The following FUS variants were observed in gnomAD, a reference collection of about 807,000 sequenced individuals.
The protein encoded by FUS is RNA-binding protein FUS.
A neutral mutation model predicts 82.7 loss-of-function variants in FUS; 5 were observed. That is an observed-to-expected ratio of 0.06 (90% confidence interval 0.03 to 0.13). The LOEUF (loss-of-function observed/expected upper bound fraction) is 0.13, where lower values mean the gene tolerates loss of function less well. FUS is among the 10% of genes least tolerant of loss of function. The pLI, the probability that FUS is intolerant of heterozygous loss-of-function variation, is 1.00. For synonymous variants in FUS, 281 were observed against 247.4 expected (o/e 1.14, Z -1.27); for missense variants, 512 against 707.8 (o/e 0.72, Z 3.14).
At position 31,190,687 on chromosome 16, in the gene FUS, C is replaced by T. The variant is rs954124875; in HGVS notation, c.1293-55C>T. 43 of 1,497,086 alleles carry T rather than the reference C, an allele frequency of 2.9e-5. No homozygotes were observed. The African/African-American group carries it at 5.6e-4, about 20-fold the overall frequency. 92.7% of individuals were successfully genotyped at this position (1,497,086 alleles called of 1,614,324 possible). ...AAGTCACCGTAGTTTCTTCCTAGTT[C>T]TAGGTCTTGCCTATTCCCCATCGCT... On this transcript the variant is annotated intron_variant, in intron 12 of 14. Coordinates refer to ENST00000254108, the MANE Select transcript of FUS (RefSeq NM_004960.4).
intron 8 of FUS, chr16:31,188,742 C>T (rs559005192): frequency 8.7e-6 from 4 of 462,386 alleles, no homozygotes; most frequent in African/African-American, 7.8e-5. Flanking sequence ...CATTGAACTC[C>T]TGTTTAGGTT....
chr16:31,191,383 T>C lies in FUS; in HGVS notation c.1542-16T>C, dbSNP rs1454147233. 14 of 1,607,874 alleles carry C rather than the reference T, an allele frequency of 8.7e-6. No individual in the cohort carries two copies. Among genetic ancestry groups the C allele is most frequent in the Non-Finnish European group, 8.5e-7 (1 of 1,176,328 alleles). On this transcript the variant is annotated splice_polypyrimidine_tract_variant and intron_variant, in intron 14 of 14. Transcript: ENST00000254108. ...CAAATATAATGGATACTTAATTTTTTTTTTTTTTTTTGCAGGGGTGAGCAC... is the reference window on the plus strand; with the variant it reads ...CAAATATAATGGATACTTAATTTTTCTTTTTTTTTTTGCAGGGGTGAGCAC...
chr16:31,194,231 T>A, downstream of FUS: 1 of 531,830 alleles, frequency 1.9e-6, no homozygotes. Flanking sequence ...GTCCAGCCCA[T>A]GTGAGACTTG....
At position 31,182,606 on chromosome 16, in the gene FUS, C is replaced by G. The variant is rs72550883; in HGVS notation, c.132C>G (p.Ser44=). The G allele has an allele frequency of 6.2e-7, 1 of 1,614,206 alleles. No individual in the cohort carries two copies. Among genetic ancestry groups the G allele is most frequent in the Non-Finnish European group, 8.5e-7 (1 of 1,180,026 alleles). ...AGAGTTACAGTGGTTATAGCCAGTC[C>G]ACGGACACTTCAGGCTATGGCCAGA... ...GQQSYSGYSQ[S]TDTSGYGQSS... The change falls in exon 3 of 15, where the codon TCC becomes TCG. Residue 44 remains serine, a synonymous_variant. Coordinates refer to ENST00000254108, the MANE Select transcript of FUS (RefSeq NM_004960.4).
At chr16:31,183,062 T>C (rs1397983011) in intron 3 of FUS, 1 of 299,076 alleles carries the variant, frequency 3.3e-6, no homozygotes, top group African/African-American at 2.2e-5. Flanking sequence ...GTTCCATATT[T>C]CTTTTCCGTG....
intron 3 of FUS, chr16:31,183,526 A>C (rs561086806): frequency 2.7e-5 from 10 of 363,650 alleles, no homozygotes; most frequent in South Asian, 2.0e-4. Context: ...TGTAACTAAG[A>C]AAGGTGGTTG....
At chr16:31,180,705 G>C (rs533679042) in intron 1 of FUS, among the ~76,000 whole-genome samples, 2 of 152,282 alleles carry the variant, frequency 1.3e-5, no homozygotes, top group African/African-American at 4.8e-5. Context: ...CTTCGCGGAA[G>C]ACTCGGCGGC....
intron 8 of FUS, chr16:31,188,566 T>C (rs967897642): frequency 1.7e-5 from 11 of 631,758 alleles, no homozygotes; most frequent in Admixed American, 1.4e-4. Flanking sequence ...CCCCAGTGAT[T>C]TAGGTCTGAG....
At chr16:31,193,797 T>C (rs1408368889), downstream of FUS, 1 of 515,036 alleles carries the variant, frequency 1.9e-6, no homozygotes, top group Non-Finnish European at 3.7e-6. Flanking sequence ...CTACCACACC[T>C]GGGTAATTTT....
At chr16:31,190,609 A>C (rs2079340178) in intron 12 of FUS, 133 bp from the exon 13 acceptor site, 3 of 1,173,414 alleles carry the variant, frequency 2.6e-6, no homozygotes, top group Admixed American at 1.7e-5. Context: ...CCTGACTCTG[A>C]GAAGCAAGCC....
intron 6 of FUS, chr16:31,186,224 G>C (rs1461110676): frequency 4.0e-6 from 1 of 252,148 alleles, no homozygotes; most frequent in Non-Finnish European, 7.8e-6. Context: ...TCTTCTCGCA[G>C]TGTAGAAGGG....
At chr16:31,181,715 A>AG (rs1165813272) in intron 1 of FUS, among the ~76,000 whole-genome samples, 3 of 151,974 alleles carry the variant, frequency 2.0e-5, no homozygotes, top group African/African-American at 7.3e-5. Context: ...ACGTTGGGAG[A>AG]GTTAGTCTCT....
In FUS at chr16:31,186,807, G is replaced by A; in HGVS notation, c.770G>A (p.Ser257Asn). 6.2e-7 allele frequency: 1 copy of A among 1,614,186 alleles called. No individual in the cohort carries two copies. Among genetic ancestry groups the A allele is most frequent in the East Asian group, 2.2e-5 (1 of 44,892 alleles). ...TTCTAACTTGTCTTCTCCAGCGGAA[G>A]TGACCGTGGTGGCTTCAATAAATTT... ...GRGGRGGMGG[S>N]DRGGFNKFGG... Residue 257 changes from serine to asparagine, a missense_variant, in exon 7 of 15, where the codon AGT (serine) becomes AAT (asparagine). This residue lies in a region of FUS where 51 missense variants were observed against 72.2 expected (regional missense o/e 0.71). Transcript: ENST00000254108.
chr16:31,186,970 A>G, intron 7 of FUS, 134 bp downstream of exon 7: 2 of 850,370 alleles, frequency 2.4e-6, no homozygotes, highest in Non-Finnish European at 4.0e-6. Context: ...AGAAAGGGGT[A>G]GGGTAGAATG....
intron 1 of FUS, 36 bp from the exon 2 acceptor site, chr16:31,182,362 A>T (rs773652865): frequency 2.5e-6 from 4 of 1,612,188 alleles, no homozygotes; most frequent in Non-Finnish European, 3.4e-6. Flanking sequence ...TCAGAGTGGC[A>T]GCTGAAGATA....
intron 3 of FUS, 130 bp from the exon 4 acceptor site, chr16:31,183,728 A>G: frequency 9.3e-7 from 1 of 1,078,514 alleles, no homozygotes; most frequent in Non-Finnish European, 1.4e-6. Flanking sequence ...TTTGCCTATG[A>G]GTTGCAACAT....
At chr16:31,187,711 A>G (rs1448888783) in intron 7 of FUS, 2 of 234,522 alleles carry the variant, frequency 8.5e-6, no homozygotes, top group Non-Finnish European at 1.7e-5. Flanking sequence ...GGTCTCTGGA[A>G]AAACAAAATA....
At chr16:31,184,611 T>C (rs1489385702) in intron 5 of FUS, among the ~76,000 whole-genome samples, 3 of 151,930 alleles carry the variant, frequency 2.0e-5, no homozygotes, top group African/African-American at 7.3e-5. Flanking sequence ...GCCCGGCTAA[T>C]TTTTTGTATT....
chr16:31,194,488 G>A (rs1376670761), downstream of FUS: 4 of 500,344 alleles, frequency 8.0e-6, no homozygotes, highest in Admixed American at 9.1e-5. Context: ...TGTGGAGATG[G>A]GGTCTTGCCA....
Sources: allele counts gnomAD v4.1 joint callset (sites outside exome capture counted in the v4.1 genomes callset), GRCh38; gene constraint gnomAD v4.1.1; regional missense constraint gnomAD v4.1.1; transcripts MANE v1.5; gene names NCBI Gene and HGNC (gene_info 2026-07-23, HGNC 2026-07-21).